Variants in CFAP54 observed in about 807,000 individuals in gnomAD.
The protein encoded by CFAP54 is cilia- and flagella-associated protein 54.
Under a neutral mutation model 370.4 loss-of-function variants are expected in CFAP54, and 290 were observed. The observed-to-expected ratio is 0.78, with a 90% CI of 0.71 to 0.86. CFAP54 has a LOEUF of 0.86. Among genes scored for constraint, CFAP54 ranks in the 40% least tolerant of loss-of-function variants. The pLI is 0.00. For missense variants in CFAP54, 3,399 were observed against 3,528.7 expected (o/e 0.96, Z 0.93); for synonymous variants, 1,206 against 1,236.5 (o/e 0.98, Z 0.52).
At chr12:96,527,998 C>A (rs1330344774) in intron 9 of CFAP54, among the ~76,000 whole-genome samples, 1 of 152,070 alleles carries the variant, frequency 6.6e-6, no homozygotes, top group Admixed American at 6.6e-5. Flanking sequence ...TTATTTCTGT[C>A]CAATCCTTAA....
At chr12:96,821,850 GA>G (rs1959039434) in intron 65 of CFAP54, among the ~76,000 whole-genome samples, 1 of 152,062 alleles carries the variant, frequency 6.6e-6, no homozygotes, top group African/African-American at 2.4e-5. Flanking sequence ...TTCTGGTCTG[GA>G]ATTGGACAGG....
In CFAP54 at chr12:96,810,431, T is replaced by G. The variant is rs544747655; in HGVS notation, c.8851-1305T>G. ...GAAGCAGAGGTAAAGGCATGTGCTTTTAGGGGTGAAGAGAGTTTTTTCCTC... is the reference window on the plus strand; with the variant it reads ...GAAGCAGAGGTAAAGGCATGTGCTTGTAGGGGTGAAGAGAGTTTTTTCCTC... On this transcript the variant is annotated intron_variant, in intron 63 of 67. Coordinates refer to ENST00000524981, the MANE Select transcript of CFAP54 (RefSeq NM_001306084.2). Among the ~76,000 whole-genome samples, 12 of 152,262 alleles carry G rather than the reference T, an allele frequency of 7.9e-5. No individual in the cohort carries two copies. The East Asian group carries it at 2.1e-3, about 27-fold the overall frequency.
chr12:96,858,200 G>GTGAGA (rs1344112743), intron 66 of CFAP54, among the ~76,000 whole-genome samples: 7 of 152,148 alleles, frequency 4.6e-5, no homozygotes, highest in African/African-American at 1.7e-4. Flanking sequence ...TATAACAGGT[G>GTGAGA]TGAGATGGTA....
chr12:96,648,353 T>C (rs1956820238), intron 34 of CFAP54, among the ~76,000 whole-genome samples: 1 of 152,162 alleles, frequency 6.6e-6, no homozygotes, highest in Admixed American at 6.6e-5. Context: ...TTGGGTATTA[T>C]GTTTTAGTGC....
chr12:96,654,678 C>A (rs1234435402), intron 36 of CFAP54, among the ~76,000 whole-genome samples: 1 of 151,994 alleles, frequency 6.6e-6, no homozygotes, highest in Non-Finnish European at 1.5e-5. Flanking sequence ...TGTCTTCATC[C>A]TCTCCTCTCA....
At chr12:96,522,761 G>A (rs570738926) in intron 8 of CFAP54, among the ~76,000 whole-genome samples, 3 of 152,254 alleles carry the variant, frequency 2.0e-5, no homozygotes, top group Admixed American at 6.5e-5. Flanking sequence ...CTGAAGAGCC[G>A]CCTTCATTTC....
chr12:96,826,839 TATA>T (rs1439058774), intron 65 of CFAP54, among the ~76,000 whole-genome samples: 23 of 113,694 alleles, frequency 2.0e-4, no homozygotes, highest in African/African-American at 7.8e-4. Flanking sequence ...TAATATATCA[TATA>T]ATATTATATA....
chr12:96,531,660 C>T (rs769268897), intron 9 of CFAP54, among the ~76,000 whole-genome samples: 6 of 152,084 alleles, frequency 3.9e-5, no homozygotes, highest in African/African-American at 7.2e-5. Context: ...TTGATTCTCT[C>T]TGTTCTACTC....
chr12:96,615,619 A>G (rs1194150177), intron 26 of CFAP54, among the ~76,000 whole-genome samples: 6 of 152,270 alleles, frequency 3.9e-5, no homozygotes, highest in African/African-American at 1.4e-4. Flanking sequence ...TCCATCTGAC[A>G]AAGGGCTAAT....
intron 67 of CFAP54, among the ~76,000 whole-genome samples, chr12:96,862,248 G>C (rs1164675422): frequency 6.6e-6 from 1 of 152,162 alleles, no homozygotes; most frequent in Non-Finnish European, 1.5e-5. Context: ...GAAGATTTTG[G>C]TAGTTGAAAA....
chr12:96,608,157 T>C (rs1272860086), intron 26 of CFAP54, among the ~76,000 whole-genome samples: 1 of 152,040 alleles, frequency 6.6e-6, no homozygotes, highest in African/African-American at 2.4e-5. Context: ...AAATGCTAAG[T>C]AGGGATTCTT....
At chr12:96,660,240 G>T (rs1378516930) in intron 38 of CFAP54, among the ~76,000 whole-genome samples, 2 of 152,126 alleles carry the variant, frequency 1.3e-5, no homozygotes, top group African/African-American at 4.8e-5. Context: ...CAGAAAGAAG[G>T]CCTGTATGGC....
intron 36 of CFAP54, among the ~76,000 whole-genome samples, chr12:96,654,114 A>G (rs1412042702): frequency 6.6e-6 from 1 of 152,232 alleles, no homozygotes; most frequent in African/African-American, 2.4e-5. Context: ...AGAAACCTTC[A>G]CATAAAGAAA....
At chr12:96,680,031 G>A (rs1032563199) in intron 40 of CFAP54, among the ~76,000 whole-genome samples, 2 of 152,158 alleles carry the variant, frequency 1.3e-5, no homozygotes, top group Admixed American at 6.5e-5. Context: ...GTACATTTAT[G>A]TTCTTCTTAC....
At chr12:96,741,082 T>A (rs931712130) in intron 51 of CFAP54, among the ~76,000 whole-genome samples, 6 of 152,226 alleles carry the variant, frequency 3.9e-5, no homozygotes, top group African/African-American at 1.4e-4. Context: ...GTATTGCTAA[T>A]CTACATACTA....
intron 26 of CFAP54, among the ~76,000 whole-genome samples, chr12:96,614,072 T>A (rs1956390065): frequency 1.3e-5 from 2 of 152,140 alleles, no homozygotes; most frequent in South Asian, 4.1e-4. Context: ...AAAGAGAATT[T>A]TAGACCAATA....
At chr12:96,536,983 C>A (rs1955513607) in intron 12 of CFAP54, among the ~76,000 whole-genome samples, 1 of 112,406 alleles carries the variant, frequency 8.9e-6, no homozygotes, top group Non-Finnish European at 2.1e-5. Context: ...CAATTCAATT[C>A]AATACAATTC....
At chr12:96,538,756 C>CT in intron 13 of CFAP54, 2 of 442,982 alleles carry the variant, frequency 4.5e-6, no homozygotes, top group South Asian at 2.7e-5. Context: ...GTGTTTCAGG[C>CT]CTTTTTTTTT....
At chr12:96,804,657 C>G (rs1592557) in intron 63 of CFAP54, among the ~76,000 whole-genome samples, 122,773 of 152,034 alleles carry the variant, frequency 0.81, 50,194 homozygotes, top group African/African-American at 0.94. Flanking sequence ...TCATGGTTTG[C>G]GAGCATCAAT....
Sources: gnomAD v4.1 joint callset for allele counts (sites outside exome capture counted in the v4.1 genomes callset) on GRCh38, gnomAD v4.1.1 for gene constraint, MANE v1.5 for transcripts, NCBI Gene and HGNC (gene_info 2026-07-23, HGNC 2026-07-21) for gene names.